CHRNA4: variants seen among roughly 807,000 people sequenced by gnomAD.
The protein encoded by CHRNA4 is cholinergic receptor nicotinic alpha 4 subunit.
CHRNA4 carries 28 observed loss-of-function variants against 48.9 expected under a neutral mutation model. The observed-to-expected ratio is 0.57, with a 90% CI of 0.42 to 0.79. The LOEUF is 0.79. Ranked by LOEUF, CHRNA4 falls within the 30% of genes least tolerant of loss-of-function variation. The pLI, the probability that CHRNA4 is intolerant of heterozygous loss-of-function variation, is 0.00. For synonymous variants in CHRNA4, 425 were observed against 402.3 expected (o/e 1.06, Z -0.68); for missense variants, 859 against 898.4 (o/e 0.96, Z 0.56).
At position 63,345,814 on chromosome 20, in the gene CHRNA4, G is replaced by C; in HGVS notation, c.*924C>G. The stretch of plus-strand genomic sequence containing the variant: ...TGCGCGCCAAGGTGGAAACCCTCAG[G>C]GTCCTGGGGGAACCAGGGCCCAGGT... On this transcript the variant is annotated 3_prime_UTR_variant, in exon 6 of 6. Coordinates refer to ENST00000370263, the MANE Select transcript of CHRNA4 (RefSeq NM_000744.7). The surrounding 1 kb of genome is among the most constrained non-coding windows in gnomAD (Gnocchi z 5.4). 2.2e-6 allele frequency: 1 copy of C among 445,272 alleles called. No individual in the cohort carries two copies. Among genetic ancestry groups the C allele is most frequent in the South Asian group, 1.6e-5 (1 of 64,200 alleles). 27.6% of individuals were successfully genotyped at this position (445,272 alleles called of 1,614,324 possible).
chr20:63,354,685 C>G (rs924748754), intron 4 of CHRNA4: 11 of 986,226 alleles, frequency 1.1e-5, no homozygotes, highest in Non-Finnish European at 1.3e-5. Context: ...GGCTGCATTC[C>G]TGGAGGGCTG....
At chr20:63,360,641 C>T (rs1369463179) in intron 1 of CHRNA4, among the ~76,000 whole-genome samples, 1 of 152,170 alleles carries the variant, frequency 6.6e-6, no homozygotes, top group Non-Finnish European at 1.5e-5. Context: ...GAGTCCCCAC[C>T]CGCGACCTTG....
rs907719844 is a variant in CHRNA4, at chr20:63,345,372, C to A, written c.*1366G>T. 5 of 436,436 alleles carry A rather than the reference C, an allele frequency of 1.1e-5. No individual in the cohort carries two copies. In the East Asian group the frequency reaches 3.5e-4, roughly 31 times the overall value. The allele number at this position is 436,436 out of a possible 1,614,324, so 27.0% of individuals were successfully genotyped here. On this transcript the variant is annotated 3_prime_UTR_variant, in exon 6 of 6. Transcript: ENST00000370263. The surrounding 1 kb of genome is among the most constrained non-coding windows in gnomAD (Gnocchi z 5.4). The stretch of plus-strand genomic sequence containing the variant: ...ACAGGCAGGGGACACGCCATCCTGG[C>A]CCCGCCCCTCTGGGCCCTTGGAATC...
intron 1 of CHRNA4, 170 bp from the exon 2 acceptor site, chr20:63,359,869 C>CGCGCCGGGCGTGCGCTGTGTG: frequency 2.3e-6 from 1 of 444,098 alleles, no homozygotes; most frequent in East Asian, 4.0e-5. Flanking sequence ...GGCGTGCGCT[C>CGCGCCGGGCGTGCGCTGTGTG]TGTGTGTGTG....
chr20:63,349,907 C>A lies in CHRNA4; in HGVS notation c.1504G>T (p.Ala502Ser), dbSNP rs777502524. 5 of 1,594,522 alleles carry A rather than the reference C, an allele frequency of 3.1e-6. No individual in the cohort carries two copies. The South Asian group carries it at 4.5e-5, about 14-fold the overall frequency. ...AGGGCGCCGGCAGCCTGGCCATCTG[C>A]CTCGGGGGCGGCATCGTCTCGGGGA... Reference protein sequence around the residue: ...CVPRDDAAPEADGQAAGALAS... With the variant: ...CVPRDDAAPESDGQAAGALAS... The change falls in exon 5 of 6, where the codon GCA (alanine) becomes TCA (serine). Residue 502 changes from alanine (A) to serine (S), a missense_variant. Ala to Ser is a moderately conservative substitution (Grantham distance 99, BLOSUM62 1). Coordinates refer to ENST00000370263, the MANE Select transcript of CHRNA4 (RefSeq NM_000744.7).
chr20:63,358,357 C>T (rs1004305099), intron 2 of CHRNA4, among the ~76,000 whole-genome samples: 5 of 152,252 alleles, frequency 3.3e-5, no homozygotes, highest in African/African-American at 9.6e-5. Flanking sequence ...GCTCTCACCC[C>T]GTTTCACAGG....
Position 63,355,990 on chromosome 20 carries a change from A to G in CHRNA4, c.368T>C (p.Ile123Thr). ...IPSELIWRPD[I>T]VLYNNADGDF... Reference sequence around the variant, plus strand: ...GAGGACTCACTTGTTGTAGAGGACGATGTCCGGCCGCCAGATGAGCTCGGA... The same window carrying G: ...GAGGACTCACTTGTTGTAGAGGACGGTGTCCGGCCGCCAGATGAGCTCGGA... The change falls in exon 4 of 6, where the codon ATC becomes ACC. Residue 123 changes from isoleucine to threonine, a missense_variant. Ile to Thr is a moderately conservative substitution (Grantham distance 89). Around this residue, in one of 3 missense-constraint regions of CHRNA4, gnomAD observed 342 missense variants for 365.3 expected, o/e 0.94. Coordinates refer to ENST00000370263, the MANE Select transcript of CHRNA4 (RefSeq NM_000744.7). 1 of 1,610,710 alleles carries G rather than the reference A, an allele frequency of 6.2e-7. No homozygotes were observed. Among genetic ancestry groups the G allele is most frequent in the Middle Eastern group, 1.7e-4 (1 of 6,056 alleles).
At position 63,343,636 on chromosome 20, in the gene CHRNA4, A is replaced by G. The variant is rs45502702; in HGVS notation, c.*3102T>C. 1.2e-4 allele frequency: 55 copies of G among 451,996 alleles called. 1 individual carries two copies. In the East Asian group the frequency reaches 3.8e-3, roughly 31 times the overall value. The allele number at this position is 451,996 out of a possible 1,614,324, so 28.0% of individuals were successfully genotyped here. A position where few individuals can be genotyped will look rare whatever the true frequency, so the allele number is the denominator to read the frequency against. On this transcript the variant is annotated 3_prime_UTR_variant, in exon 6 of 6. Transcript: ENST00000370263. ...GGGCCACGTCGCCCCAGGCCGGGCCACACGGGAAGCACCCAGGCCGGTCCG... is the reference window on the plus strand; with the variant it reads ...GGGCCACGTCGCCCCAGGCCGGGCCGCACGGGAAGCACCCAGGCCGGTCCG...
rs923627813 is a variant in CHRNA4, at chr20:63,361,271, T to TCGG, written c.-109_-107dup. 2.2e-6 allele frequency: 3 copies of TCGG among 1,381,088 alleles called. No homozygotes were observed. The African/African-American group carries it at 4.7e-5, about 21-fold the overall frequency. 85.6% of individuals were successfully genotyped at this position (1,381,088 alleles called of 1,614,324 possible). The stretch of plus-strand genomic sequence containing the variant: ...TGCCTCCCGCGCCTCGCGGGCCGCT[T>TCGG]CGGCCGCCGGGCCCGGTTCGTCTTC... On this transcript the variant is annotated 5_prime_UTR_variant, in exon 1 of 6. Coordinates refer to ENST00000370263, the MANE Select transcript of CHRNA4 (RefSeq NM_000744.7).
At position 63,345,912 on chromosome 20, in the gene CHRNA4, AG is replaced by A; in HGVS notation, c.*825del. 1 of 453,830 alleles carries A rather than the reference AG, an allele frequency of 2.2e-6. No individual in the cohort carries two copies. The highest frequency in any genetic ancestry group is 4.4e-6 in the Non-Finnish European group (1 of 226,616). The allele number at this position is 453,830 out of a possible 1,614,324, so 28.1% of individuals were successfully genotyped here. On this transcript the variant is annotated 3_prime_UTR_variant, in exon 6 of 6. Transcript: ENST00000370263. This position sits in a 1 kb window ranked among gnomAD's most constrained non-coding sequence, Gnocchi z 5.4. ...AAGTACCCCAGGGGCTGAAGCCACT[AG>A]GCCCCCGTGGAGCCCTGGCCACCTG...
chr20:63,350,165 C>T lies in CHRNA4; in HGVS notation c.1246G>A (p.Ala416Thr). The stretch of plus-strand genomic sequence containing the variant: ...GACTTGCAGGAAGGCCCAGGCTCAG[C>T]CGGCACATCCAGGGGGACACAGAAG... The part of the protein sequence containing the change: ...PSFCVPLDVP[A>T]EPGPSCKSPS... Residue 416 changes from alanine to threonine, a missense_variant, in exon 5 of 6, where the codon GCT (alanine) becomes ACT (threonine). Transcript: ENST00000370263. 6.3e-7 allele frequency: 1 copy of T among 1,584,034 alleles called. No individual in the cohort carries two copies. Among genetic ancestry groups the T allele is most frequent in the Non-Finnish European group, 8.6e-7 (1 of 1,163,028 alleles).
chr20:63,351,349 C>T (rs146970749), intron 4 of CHRNA4, among the ~76,000 whole-genome samples: 1 of 152,238 alleles, frequency 6.6e-6, no homozygotes, highest in Admixed American at 6.5e-5. Context: ...CCTACTCGTG[C>T]ACCTCAGTTT....
At chr20:63,355,804 A>G in intron 4 of CHRNA4, 171 bp downstream of exon 4, 1 of 998,154 alleles carries the variant, frequency 1.0e-6, no homozygotes, top group Non-Finnish European at 1.5e-6. Context: ...CAATTTCTCC[A>G]TTGCTCCTGC....
intron 4 of CHRNA4, 135 bp downstream of exon 4, chr20:63,355,840 C>T: frequency 8.1e-7 from 1 of 1,231,174 alleles, no homozygotes. Flanking sequence ...CCTGGGCTGG[C>T]ATGCATGGGG....
At chr20:63,347,804 T>G (rs1243340867) in intron 5 of CHRNA4, among the ~76,000 whole-genome samples, 1 of 152,162 alleles carries the variant, frequency 6.6e-6, no homozygotes, top group Admixed American at 6.5e-5. Context: ...GGGAGGGATG[T>G]GCCGCGGGGG....
At chr20:63,358,699 GC>G (rs751405866) in intron 2 of CHRNA4, among the ~76,000 whole-genome samples, 8 of 152,178 alleles carry the variant, frequency 5.3e-5, no homozygotes, top group African/African-American at 2.4e-5. Context: ...CATGGTGGCA[GC>G]CCCCAGGCTA....
chr20:63,359,853 G>C, intron 1 of CHRNA4, 154 bp from the exon 2 acceptor site: 1 of 919,248 alleles, frequency 1.1e-6, no homozygotes, highest in South Asian at 1.6e-5. Context: ...ACCTGTGTGT[G>C]TGCCGGGCGT....
intron 2 of CHRNA4, 50 bp downstream of exon 2, chr20:63,359,498 C>T: frequency 1.2e-6 from 2 of 1,610,962 alleles, no homozygotes; most frequent in Non-Finnish European, 8.5e-7. Context: ...CCCTGTGCTC[C>T]TTGCAGGGCG....
chr20:63,351,158 CACATCCA>C (rs2068597025), intron 4 of CHRNA4, 131 bp from the exon 5 acceptor site: 1 of 769,494 alleles, frequency 1.3e-6, no homozygotes. Context: ...CGTCCACGCC[CACATCCA>C]CGTCCACGCC....
Sources: allele counts gnomAD v4.1 joint callset (sites outside exome capture counted in the v4.1 genomes callset), GRCh38; gene constraint gnomAD v4.1.1; regional missense constraint gnomAD v4.1.1; non-coding constraint Gnocchi (gnomAD v3.1); transcripts MANE v1.5; gene names NCBI Gene and HGNC (gene_info 2026-07-23, HGNC 2026-07-21).